The following VPS13B variants were observed in gnomAD, a reference collection of about 807,000 sequenced individuals.
VPS13B encodes vacuolar protein sorting 13 homolog B.
In VPS13B, 285 loss-of-function variants were observed where a neutral mutation model predicts 426.4. The observed-to-expected ratio is 0.67, with a 90% CI of 0.61 to 0.74. The LOEUF is 0.74. Ranked by LOEUF, VPS13B falls within the 30% of genes least tolerant of loss-of-function variation. The pLI, the probability that VPS13B is intolerant of heterozygous loss-of-function variation, is 0.00. For synonymous variants in VPS13B, 1,676 were observed against 1,676.4 expected, an observed-to-expected ratio of 1.00 and a Z score of 0.01; for missense variants, 4,537 against 4,782.6, an observed-to-expected ratio of 0.95 and a Z score of 1.51.
chr8:99,152,969 G>A (rs1333464938), intron 14 of VPS13B, among the ~76,000 whole-genome samples: 1 of 152,130 alleles, frequency 6.6e-6, no homozygotes, highest in East Asian at 1.9e-4. Flanking sequence ...TTGAGCCCAG[G>A]AGTTTGAGAC....
rs1199421088 is a variant in VPS13B, at chr8:99,524,273, C to A, written c.4745+3263C>A. Among the ~76,000 whole-genome samples, 5 of 152,138 alleles carry A rather than the reference C, an allele frequency of 3.3e-5. No homozygotes were observed. The East Asian group carries it at 7.7e-4, about 24-fold the overall frequency. ...AAAGGGCATAGCTAAGAGTTATTGGCCTTAAAGACAGGCAGAGAGAGTGAT... is the reference window on the plus strand; with the variant it reads ...AAAGGGCATAGCTAAGAGTTATTGGACTTAAAGACAGGCAGAGAGAGTGAT... On this transcript the variant is annotated intron_variant, in intron 30 of 61. Coordinates refer to ENST00000357162, the MANE Select transcript of VPS13B (RefSeq NM_152564.5).
intron 15 of VPS13B, among the ~76,000 whole-genome samples, chr8:99,165,107 G>T (rs760176327): frequency 1.3e-5 from 2 of 152,124 alleles, no homozygotes; most frequent in South Asian, 4.1e-4. Flanking sequence ...TTTATAACAT[G>T]TTTTGAAATA....
intron 33 of VPS13B, among the ~76,000 whole-genome samples, chr8:99,610,900 A>G (rs1204763822): frequency 6.6e-6 from 1 of 152,236 alleles, no homozygotes. Flanking sequence ...TAGAAAATCT[A>G]TGTGAGATAT....
At chr8:99,677,284 T>C (rs548683143) in intron 35 of VPS13B, among the ~76,000 whole-genome samples, 1 of 152,320 alleles carries the variant, frequency 6.6e-6, no homozygotes, top group East Asian at 1.9e-4. Context: ...TAATTCAATT[T>C]TACAGCCATG....
At position 99,511,342 on chromosome 8, in the gene VPS13B, G is replaced by T. The variant is rs1351211490; in HGVS notation, c.4463G>T (p.Ser1488Ile). 6.2e-7 allele frequency: 1 copy of T among 1,613,920 alleles called. No homozygotes were observed. Among genetic ancestry groups the T allele is most frequent in the East Asian group, 2.2e-5 (1 of 44,842 alleles). The change falls in exon 29 of 62, where the codon AGT becomes ATT. Residue 1488 changes from serine to isoleucine, a missense_variant. Ser to Ile is a moderately radical substitution (Grantham distance 142). Transcript: ENST00000357162. Reference sequence around the variant, plus strand: ...TTTCCTTTACTTAATGCCATTGCAAGTATATTTCAAGCAAAACTACCAAAG... The same window carrying T: ...TTTCCTTTACTTAATGCCATTGCAATTATATTTCAAGCAAAACTACCAAAG... ...LYFPLLNAIA[S>I]IFQAKLPKTQ...
chr8:99,386,186 C>G (rs1167622792), intron 20 of VPS13B, among the ~76,000 whole-genome samples: 2 of 151,972 alleles, frequency 1.3e-5, no homozygotes, highest in Non-Finnish European at 2.9e-5. Context: ...CATAGATATC[C>G]CTGAAGGTCA....
chr8:99,287,333 G>A lies in VPS13B; in HGVS notation c.2824+12079G>A, dbSNP rs139710423. ...TAGATAGATACATCTCCTTATCTAT[G>A]ATGAGTTATGATATGATCTATGATA... On this transcript the variant is annotated intron_variant, in intron 19 of 61. Coordinates refer to ENST00000357162, the MANE Select transcript of VPS13B (RefSeq NM_152564.5). Among the ~76,000 whole-genome samples, 1,390 of 151,764 alleles carry A rather than the reference G, an allele frequency of 9.2e-3. 18 individuals are homozygous for A. The highest frequency in any genetic ancestry group is 0.076 in the South Asian group (365 of 4,800).
chr8:99,033,552 A>G (rs543012404), intron 2 of VPS13B, among the ~76,000 whole-genome samples: 2 of 152,140 alleles, frequency 1.3e-5, no homozygotes, highest in South Asian at 4.1e-4. Context: ...GTTTTTATTG[A>G]CATTTTCTAA....
intron 17 of VPS13B, among the ~76,000 whole-genome samples, chr8:99,254,602 T>A (rs1432261904): frequency 6.6e-6 from 1 of 151,486 alleles, no homozygotes; most frequent in African/African-American, 2.4e-5. Flanking sequence ...AACTATTTTT[T>A]AAATTAATTA....
intron 33 of VPS13B, among the ~76,000 whole-genome samples, chr8:99,640,364 C>T (rs1052851316): frequency 2.6e-5 from 4 of 151,970 alleles, no homozygotes; most frequent in Admixed American, 1.3e-4. Flanking sequence ...GCAAACACCA[C>T]CTCCCAGGCT....
chr8:99,201,784 T>A (rs1337368969), intron 17 of VPS13B, among the ~76,000 whole-genome samples: 1 of 152,196 alleles, frequency 6.6e-6, no homozygotes, highest in African/African-American at 2.4e-5. Flanking sequence ...TTAGTGAATG[T>A]CTTACTATTT....
intron 19 of VPS13B, among the ~76,000 whole-genome samples, chr8:99,381,209 T>G (rs1391220405): frequency 6.6e-6 from 1 of 152,214 alleles, no homozygotes; most frequent in Non-Finnish European, 1.5e-5. Flanking sequence ...TCCAGCTTTA[T>G]CCATGTTCCT....
At chr8:99,478,346 T>G (rs1819808701) in intron 24 of VPS13B, among the ~76,000 whole-genome samples, 1 of 151,614 alleles carries the variant, frequency 6.6e-6, no homozygotes, top group Non-Finnish European at 1.5e-5. Flanking sequence ...AGGCTTTGAG[T>G]TTAGACAAAA....
At chr8:99,313,784 C>G (rs978057899) in intron 19 of VPS13B, among the ~76,000 whole-genome samples, 1 of 152,146 alleles carries the variant, frequency 6.6e-6, no homozygotes, top group African/African-American at 2.4e-5. Flanking sequence ...TACAGAGTCA[C>G]GCAGGCTTCC....
intron 17 of VPS13B, among the ~76,000 whole-genome samples, chr8:99,210,665 G>T (rs1411150737): frequency 1.3e-5 from 2 of 152,000 alleles, no homozygotes; most frequent in African/African-American, 2.4e-5. Flanking sequence ...GAGTGCAGTG[G>T]TGCAATCTTG....
chr8:99,024,884 T>G (rs1167981577), intron 2 of VPS13B, among the ~76,000 whole-genome samples: 4 of 152,200 alleles, frequency 2.6e-5, no homozygotes, highest in Non-Finnish European at 5.9e-5. Context: ...TAGATCTTTT[T>G]GGGTCATTTT....
intron 43 of VPS13B, among the ~76,000 whole-genome samples, chr8:99,805,318 G>A (rs1411690445): frequency 6.6e-6 from 1 of 151,458 alleles, no homozygotes; most frequent in East Asian, 1.9e-4. Context: ...AATCTTGACA[G>A]TAGTTTTAAA....
At chr8:99,447,037 A>G (rs1817955000) in intron 23 of VPS13B, among the ~76,000 whole-genome samples, 1 of 152,098 alleles carries the variant, frequency 6.6e-6, no homozygotes, top group Non-Finnish European at 1.5e-5. Flanking sequence ...TGAAACTTTT[A>G]ACTTACGTGA....
chr8:99,860,352 G>C (rs529715683), intron 57 of VPS13B, among the ~76,000 whole-genome samples: 6 of 152,118 alleles, frequency 3.9e-5, no homozygotes, highest in Non-Finnish European at 7.4e-5. Context: ...CACTCCCCCA[G>C]GCCTCAAATC....
Sources: allele counts gnomAD v4.1 joint callset (sites outside exome capture counted in the v4.1 genomes callset), GRCh38; gene constraint gnomAD v4.1.1; transcripts MANE v1.5; gene names NCBI Gene and HGNC (gene_info 2026-07-23, HGNC 2026-07-21).